CHRDL1: variants seen among roughly 807,000 people sequenced by gnomAD.
The protein encoded by CHRDL1 is chordin-like protein 1.
A neutral mutation model predicts 40.9 loss-of-function variants in CHRDL1; 19 were observed. The ratio of observed to expected loss-of-function variants is 0.46; its 90% CI spans 0.32 to 0.68. CHRDL1 has a LOEUF of 0.68. CHRDL1 is among the 30% of genes least tolerant of loss of function. The probability of loss-of-function intolerance (pLI) is 0.03; values close to 1 mark genes in which losing one functional copy is unlikely to be tolerated. For synonymous variants in CHRDL1, 136 were observed against 123.4 expected (o/e 1.10, Z -0.68); for missense variants, 329 against 352.1 (o/e 0.93, Z 0.53).
chrX:110,776,691 C>A (rs1488575335), intron 2 of CHRDL1, among the ~76,000 whole-genome samples: 4 of 110,063 alleles, frequency 3.6e-5, no homozygotes, highest in Non-Finnish European at 7.6e-5. Flanking sequence ...TTTTTTAGAG[C>A]AGTCTTATGT....
intron 2 of CHRDL1, among the ~76,000 whole-genome samples, chrX:110,789,652 GA>G (rs1352787305): frequency 1.8e-5 from 2 of 111,601 alleles, no homozygotes; most frequent in Non-Finnish European, 3.8e-5. Flanking sequence ...GCAAATCACA[GA>G]AAAGTGTATA....
In CHRDL1 at chrX:110,697,919, T is replaced by C. The variant is rs1000436045; in HGVS notation, c.609+2735A>G. 7.1e-4 allele frequency among the ~76,000 whole-genome samples: 73 copies of C among 102,162 alleles called. 5 individuals are homozygous for C. Among genetic ancestry groups the C allele is most frequent in the African/African-American group, 2.4e-3 (67 of 27,963 alleles). 88.7% of individuals were successfully genotyped at this position (102,162 alleles called of 115,157 possible). ...CACCAATGGCACGAGGACCAATTCATGAGAAATTACAACTTAGAAATCAAA... is the reference window on the plus strand; with the variant it reads ...CACCAATGGCACGAGGACCAATTCACGAGAAATTACAACTTAGAAATCAAA... On this transcript the variant is annotated intron_variant, in intron 7 of 11. Coordinates refer to ENST00000372042, the MANE Select transcript of CHRDL1 (RefSeq NM_001143981.2).
At chrX:110,692,998 T>G (rs2148430432) in intron 8 of CHRDL1, among the ~76,000 whole-genome samples, 1 of 112,424 alleles carries the variant, frequency 8.9e-6, no homozygotes, top group East Asian at 2.8e-4. Flanking sequence ...TTTTGATTTG[T>G]TTTCCCTTTA....
Position 110,784,209 on chromosome X carries a change from C to G in CHRDL1, c.94+7879G>C, listed in dbSNP as rs192356749. Among the ~76,000 whole-genome samples, 34 of 111,921 alleles carry G rather than the reference C, an allele frequency of 3.0e-4. No individual in the cohort carries two copies. In the Admixed American group the frequency reaches 3.1e-3, roughly 10 times the overall value. ...TAAGGGGAAAACGTTTCTTATTTCA[C>G]TGACAATTGGGTTTCTAGAGTTGAA... On this transcript the variant is annotated intron_variant, in intron 2 of 11. Coordinates refer to ENST00000372042, the MANE Select transcript of CHRDL1 (RefSeq NM_001143981.2).
At chrX:110,749,264 A>C (rs1280896287) in intron 4 of CHRDL1, among the ~76,000 whole-genome samples, 1 of 111,732 alleles carries the variant, frequency 8.9e-6, no homozygotes, top group Non-Finnish European at 1.9e-5. Flanking sequence ...GAAGAAAAGA[A>C]AAAGAGCTTG....
At chrX:110,756,373 A>C (rs1474367871) in intron 4 of CHRDL1, among the ~76,000 whole-genome samples, 1 of 111,414 alleles carries the variant, frequency 9.0e-6, no homozygotes, top group African/African-American at 3.3e-5. Flanking sequence ...TACAGCTTGC[A>C]AGTGGCTTCC....
rs2148402613 is a variant in CHRDL1, at chrX:110,675,530, G to A, written c.*701C>T. On this transcript the variant is annotated 3_prime_UTR_variant, in exon 12 of 12. Coordinates refer to ENST00000372042, the MANE Select transcript of CHRDL1 (RefSeq NM_001143981.2). Reference sequence around the variant, plus strand: ...GACTTAAACAGCCACAAAGACCTAAGGGCAGAGCCTCTTGTTCACAGTTAT... The same window carrying A: ...GACTTAAACAGCCACAAAGACCTAAAGGCAGAGCCTCTTGTTCACAGTTAT... 8.9e-6 allele frequency: 1 copy of A among 111,743 alleles called. No homozygotes were observed. The highest frequency in any genetic ancestry group is 3.8e-4 in the South Asian group (1 of 2,665). The allele number at this position is 111,743 out of a possible 1,213,427, so 9.2% of individuals were successfully genotyped here. A position where few individuals can be genotyped will look rare whatever the true frequency, so the allele number is the denominator to read the frequency against.
chrX:110,703,767 G>C (rs1021297547), intron 6 of CHRDL1, among the ~76,000 whole-genome samples: 8 of 112,218 alleles, frequency 7.1e-5, no homozygotes, highest in African/African-American at 2.3e-4. Flanking sequence ...CACATTTTTA[G>C]AAGTAGATAC....
At chrX:110,717,442 C>T (rs1270374676) in intron 6 of CHRDL1, among the ~76,000 whole-genome samples, 3 of 111,595 alleles carry the variant, frequency 2.7e-5, no homozygotes, top group East Asian at 2.8e-4. Context: ...CTATCAGAGT[C>T]GGGGGTTGAC....
At chrX:110,763,143 A>C (rs948029400) in intron 2 of CHRDL1, among the ~76,000 whole-genome samples, 1 of 111,214 alleles carries the variant, frequency 9.0e-6, no homozygotes, top group Non-Finnish European at 1.9e-5. Flanking sequence ...TTATTTTTCC[A>C]TAAGTTATTG....
At chrX:110,773,216 C>T (rs1234601936) in intron 2 of CHRDL1, among the ~76,000 whole-genome samples, 2 of 112,064 alleles carry the variant, frequency 1.8e-5, no homozygotes, top group East Asian at 2.8e-4. Flanking sequence ...TAATTCCTTG[C>T]TATATATTTC....
intron 6 of CHRDL1, among the ~76,000 whole-genome samples, chrX:110,707,868 T>C (rs1361002093): frequency 9.0e-6 from 1 of 111,483 alleles, no homozygotes; most frequent in Non-Finnish European, 1.9e-5. Context: ...ACCTACAGAA[T>C]GGGAGAAAAT....
At chrX:110,705,304 T>TATATATATAC (rs1491498596) in intron 6 of CHRDL1, among the ~76,000 whole-genome samples, 4 of 77,591 alleles carry the variant, frequency 5.2e-5, no homozygotes, top group African/African-American at 2.3e-4. Context: ...TATATATATA[T>TATATATATAC]ACACACACAC....
intron 4 of CHRDL1, among the ~76,000 whole-genome samples, chrX:110,758,277 A>C (rs971535766): frequency 9.7e-6 from 1 of 102,875 alleles, no homozygotes; most frequent in Non-Finnish European, 2.0e-5. Flanking sequence ...ATACAGAAAC[A>C]GTAAGCCTGG....
Position 110,793,624 on chromosome X carries a change from C to T in CHRDL1, c.-34-1409G>A, listed in dbSNP as rs780287531. 8.0e-5 allele frequency among the ~76,000 whole-genome samples: 9 copies of T among 112,263 alleles called. No individual in the cohort carries two copies. The South Asian group carries it at 3.4e-3, about 42-fold the overall frequency. On this transcript the variant is annotated intron_variant, in intron 1 of 11. Coordinates refer to ENST00000372042, the MANE Select transcript of CHRDL1 (RefSeq NM_001143981.2). Reference sequence around the variant, plus strand: ...ATTAACAATTTAACACAGCTACCCACCTCAGTGAGGTTCTTCCTGAGCCTA... The same window carrying T: ...ATTAACAATTTAACACAGCTACCCATCTCAGTGAGGTTCTTCCTGAGCCTA...
chrX:110,687,019 G>A (rs2070039862), intron 9 of CHRDL1, among the ~76,000 whole-genome samples: 1 of 110,039 alleles, frequency 9.1e-6, no homozygotes, highest in Non-Finnish European at 1.9e-5. Flanking sequence ...CTGTCCACAC[G>A]CTGCCCCCTG....
At chrX:110,722,195 C>CT (rs1374961118) in intron 4 of CHRDL1, among the ~76,000 whole-genome samples, 1 of 110,294 alleles carries the variant, frequency 9.1e-6, no homozygotes, top group Admixed American at 9.5e-5. Flanking sequence ...TGGGGTTTCA[C>CT]CATGTTGACC....
chrX:110,676,754 G>A (rs968581787), intron 11 of CHRDL1, among the ~76,000 whole-genome samples: 5 of 111,096 alleles, frequency 4.5e-5, no homozygotes, highest in African/African-American at 1.6e-4. Context: ...TTTGGAAAAC[G>A]GCACCTACTG....
intron 2 of CHRDL1, among the ~76,000 whole-genome samples, chrX:110,764,637 G>A (rs766131182): frequency 2.5e-4 from 28 of 111,695 alleles, no homozygotes; most frequent in African/African-American, 7.8e-4. Context: ...AAGGGAAGAC[G>A]ACCATAATGT....
Sources: gnomAD v4.1 joint callset for allele counts (sites outside exome capture counted in the v4.1 genomes callset) on GRCh38, gnomAD v4.1.1 for gene constraint, MANE v1.5 for transcripts, NCBI Gene and HGNC (gene_info 2026-07-23, HGNC 2026-07-21) for gene names.